The following PTK2 variants were observed in gnomAD, a reference collection of about 807,000 sequenced individuals.
PTK2 encodes the protein focal adhesion kinase 1.
In PTK2, 45 loss-of-function variants were observed where a neutral mutation model predicts 150.1. The ratio of observed to expected loss-of-function variants is 0.30; its 90% CI spans 0.24 to 0.38. The LOEUF (loss-of-function observed/expected upper bound fraction) is 0.38. PTK2 is among the 10% of genes least tolerant of loss of function. PTK2 has a pLI of 1.00. For synonymous variants in PTK2, 432 were observed against 449.2 expected, an observed-to-expected ratio of 0.96 and a Z score of 0.48; for missense variants, 919 against 1,307.3, an observed-to-expected ratio of 0.70 and a Z score of 4.58.
chr8:140,671,230 T>G (rs1279952480), intron 29 of PTK2, among the ~76,000 whole-genome samples: 1 of 152,234 alleles, frequency 6.6e-6, no homozygotes, highest in African/African-American at 2.4e-5. Context: ...ATTTTAGTAT[T>G]AGTTTTTTTT....
At position 140,801,072 on chromosome 8, in the gene PTK2, T is replaced by G. The variant is rs939690490; in HGVS notation, c.976-496A>C. 3.5e-4 allele frequency among the ~76,000 whole-genome samples: 53 copies of G among 152,222 alleles called. 1 individual carries two copies. The highest frequency in any genetic ancestry group is 4.4e-5 in the Non-Finnish European group (3 of 68,040). ...AAATCATTCTCTTTCCAATATAAAA[T>G]TTGATATTGTTTGGTAATATTTGCT... On this transcript the variant is annotated intron_variant, in intron 11 of 31. Transcript: ENST00000522684.
chr8:140,784,022 G>A (rs531617355), intron 14 of PTK2, among the ~76,000 whole-genome samples: 1 of 152,230 alleles, frequency 6.6e-6, no homozygotes, highest in South Asian at 2.1e-4. Context: ...AACTAGCTAG[G>A]CGTGGTGGTG....
At chr8:140,746,283 G>A (rs909221943) in intron 18 of PTK2, among the ~76,000 whole-genome samples, 1 of 152,074 alleles carries the variant, frequency 6.6e-6, no homozygotes, top group Non-Finnish European at 1.5e-5. Flanking sequence ...GTGAGCTGTG[G>A]TTATGCTACT....
intron 5 of PTK2, among the ~76,000 whole-genome samples, chr8:140,854,520 T>A (rs2100131325): frequency 6.6e-6 from 1 of 152,226 alleles, no homozygotes; most frequent in Non-Finnish European, 1.5e-5. Flanking sequence ...CTGTTCCTGC[T>A]TCCTCATGAG....
chr8:140,735,257 T>C, exon 22 of PTK2: 1 of 1,612,852 alleles, frequency 6.2e-7, no homozygotes, highest in Non-Finnish European at 8.5e-7. Flanking sequence ...CTACCTGAGC[T>C]GAGCTTTAAG....
chr8:140,730,937 C>A (rs1403566275), intron 22 of PTK2, among the ~76,000 whole-genome samples: 1 of 146,572 alleles, frequency 6.8e-6, no homozygotes, highest in Non-Finnish European at 1.5e-5. Flanking sequence ...ACTGAAGTAA[C>A]CAGGAATTAA....
intron 21 of PTK2, among the ~76,000 whole-genome samples, chr8:140,736,086 G>A (rs914841315): frequency 2.6e-5 from 4 of 152,176 alleles, no homozygotes; most frequent in African/African-American, 9.7e-5. Flanking sequence ...CTACCCTTGG[G>A]AAATCCAATA....
At chr8:140,679,851 A>G (rs1410675412) in intron 27 of PTK2, among the ~76,000 whole-genome samples, 1 of 152,178 alleles carries the variant, frequency 6.6e-6, no homozygotes, top group Non-Finnish European at 1.5e-5. Flanking sequence ...GCACATTTCT[A>G]AAAGTGTTAA....
chr8:140,896,794 G>A (rs1418195106), intron 2 of PTK2, among the ~76,000 whole-genome samples: 2 of 125,760 alleles, frequency 1.6e-5, no homozygotes, highest in East Asian at 4.5e-4. Context: ...AAAACGGGGG[G>A]GGGGGGTGGG....
upstream of PTK2, chr8:141,001,436 G>T (rs901033993): frequency 1.3e-5 from 2 of 151,692 alleles, no homozygotes; most frequent in African/African-American, 4.8e-5. Flanking sequence ...CCAGCGCGCC[G>T]CTAGGCTCTG....
At chr8:140,705,404 T>C (rs2154136656) in intron 24 of PTK2, among the ~76,000 whole-genome samples, 1 of 152,286 alleles carries the variant, frequency 6.6e-6, no homozygotes, top group Middle Eastern at 3.4e-3. Context: ...TCTATTTATA[T>C]AAAATTCTAG....
intron 13 of PTK2, among the ~76,000 whole-genome samples, chr8:140,790,801 C>T (rs1345395889): frequency 6.6e-6 from 1 of 152,196 alleles, no homozygotes; most frequent in Non-Finnish European, 1.5e-5. Context: ...ATTACTTTCT[C>T]TTCCATTGCG....
intron 7 of PTK2, among the ~76,000 whole-genome samples, chr8:140,833,239 CT>C: frequency 6.6e-6 from 1 of 151,784 alleles, no homozygotes; most frequent in East Asian, 1.9e-4. Context: ...TCTTAAACTT[CT>C]TTTGACTAAT....
At chr8:140,730,012 C>T (rs1199142891) in intron 22 of PTK2, among the ~76,000 whole-genome samples, 6 of 152,210 alleles carry the variant, frequency 3.9e-5, no homozygotes, top group African/African-American at 1.4e-4. Context: ...TGCTCTATAA[C>T]TACTAGTTAT....
chr8:140,735,520 G>A (rs1195405411), intron 21 of PTK2, 65 bp from the exon 25 acceptor site: 6 of 1,535,288 alleles, frequency 3.9e-6, no homozygotes, highest in Admixed American at 1.7e-5. Context: ...CCAGGTTCCA[G>A]GAACATTGTT....
At chr8:140,691,769 T>C (rs1313039598) in intron 26 of PTK2, among the ~76,000 whole-genome samples, 2 of 152,184 alleles carry the variant, frequency 1.3e-5, no homozygotes, top group African/African-American at 4.8e-5. Flanking sequence ...ATTATCAGAA[T>C]GAAAGAAGTG....
At chr8:140,792,658 G>A (rs2100089174) in intron 13 of PTK2, among the ~76,000 whole-genome samples, 1 of 152,204 alleles carries the variant, frequency 6.6e-6, no homozygotes, top group Non-Finnish European at 1.5e-5. Flanking sequence ...TGGAACTGGA[G>A]GAAATAGTAA....
intron 29 of PTK2, 130 bp from the exon 34 acceptor site, chr8:140,668,554 G>T: frequency 9.6e-7 from 1 of 1,040,598 alleles, no homozygotes; most frequent in Non-Finnish European, 1.4e-6. Context: ...TCTTGTGTGT[G>T]CGGGATATAG....
chr8:140,830,370 G>T, intron 8 of PTK2, 102 bp downstream of exon 8: 1 of 703,520 alleles, frequency 1.4e-6, no homozygotes. Context: ...TTACATGTAA[G>T]GAAGGAAACT....
Sources: gnomAD v4.1 joint callset for allele counts (sites outside exome capture counted in the v4.1 genomes callset) on GRCh38, gnomAD v4.1.1 for gene constraint, MANE v1.5 for transcripts, NCBI Gene and HGNC (gene_info 2026-07-23, HGNC 2026-07-21) for gene names.